Variants in BAIAP2L2 observed in about 807,000 individuals in gnomAD.
BAIAP2L2 encodes the protein BAR/IMD domain-containing adapter protein 2-like 2.
Under a neutral mutation model 60.4 loss-of-function variants are expected in BAIAP2L2, and 65 were observed. The ratio of observed to expected loss-of-function variants is 1.08; its 90% CI spans 0.88 to 1.32. BAIAP2L2 has a LOEUF of 1.32. Among genes scored for constraint, BAIAP2L2 ranks in the 40% most tolerant of loss-of-function variants. BAIAP2L2 has a pLI of 0.00. For synonymous variants in BAIAP2L2, 344 were observed against 301.7 expected (o/e 1.14, Z -1.45); for missense variants, 836 against 741.2 (o/e 1.13, Z -1.48).
chr22:38,110,433 G>A, intron 1 of BAIAP2L2, 42 bp downstream of exon 1: 1 of 1,594,862 alleles, frequency 6.3e-7, no homozygotes, highest in Non-Finnish European at 8.6e-7. Flanking sequence ...CTGTGCCCTG[G>A]GAGGAGGGGC....
At chr22:38,109,083 G>GGGA in intron 2 of BAIAP2L2, 50 bp downstream of exon 2, 1 of 1,209,618 alleles carries the variant, frequency 8.3e-7, no homozygotes, top group Non-Finnish European at 1.1e-6. Flanking sequence ...GGGTGGGTGG[G>GGGA]AACAGCAGAG....
At chr22:38,100,469 G>A (rs1198843695) in intron 4 of BAIAP2L2, among the ~76,000 whole-genome samples, 3 of 151,880 alleles carry the variant, frequency 2.0e-5, no homozygotes, top group African/African-American at 7.3e-5. Flanking sequence ...GGAGGTTGCA[G>A]TGAGCCGAGA....
At chr22:38,110,414 G>T (rs1471734355) in intron 1 of BAIAP2L2, 61 bp downstream of exon 1, 5 of 1,530,634 alleles carry the variant, frequency 3.3e-6, no homozygotes, top group Non-Finnish European at 4.5e-6. Context: ...TCCAGAGCGG[G>T]CCTGATTTCT....
intron 2 of BAIAP2L2, among the ~76,000 whole-genome samples, chr22:38,108,614 G>A (rs1231222203): frequency 1.3e-5 from 2 of 152,142 alleles, no homozygotes; most frequent in East Asian, 3.8e-4. Flanking sequence ...TGGGTAGTGG[G>A]GTGCTATTGG....
intron 1 of BAIAP2L2, among the ~76,000 whole-genome samples, chr22:38,109,925 A>G (rs1003034681): frequency 1.8e-4 from 27 of 150,304 alleles, no homozygotes; most frequent in African/African-American, 6.4e-4. Context: ...TGAGGCCTCC[A>G]GGTGAAAGGG....
chr22:38,096,949 G>GGGAGGGAAGAGGGAAGAAA, intron 7 of BAIAP2L2, 83 bp downstream of exon 7: 1 of 1,457,492 alleles, frequency 6.9e-7, no homozygotes, highest in Non-Finnish European at 9.3e-7. Flanking sequence ...GAGGGAAGAA[G>GGGAGGGAAGAGGGAAGAAA]GGAGGGAAAC....
At chr22:38,097,209 C>T (rs1470785584) in intron 6 of BAIAP2L2, 31 bp from the exon 7 acceptor site, 3 of 1,604,750 alleles carry the variant, frequency 1.9e-6, no homozygotes, top group South Asian at 1.1e-5. Context: ...TGGCTGGGGG[C>T]GGTGGGTGTG....
At chr22:38,107,952 A>G in intron 3 of BAIAP2L2, 39 bp from the exon 4 acceptor site, 1 of 1,601,714 alleles carries the variant, frequency 6.2e-7, no homozygotes, top group Non-Finnish European at 8.5e-7. Context: ...GGTGTGTGGC[A>G]GCCTGCCCCG....
rs144724028 is a variant in BAIAP2L2, at chr22:38,108,541, G to A, written c.128-200C>T. Among the ~76,000 whole-genome samples the A allele has an allele frequency of 8.6e-4, 131 of 152,274 alleles. No individual in the cohort carries two copies. The East Asian group carries it at 0.016, about 18-fold the overall frequency. ...TGAGGGCTGGGGGCAGGGAGGTGGC[G>A]TGGAAAGCATCTAAGAAGCAGGGGG... On this transcript the variant is annotated intron_variant, in intron 2 of 13. Transcript: ENST00000381669.
intron 7 of BAIAP2L2, among the ~76,000 whole-genome samples, chr22:38,092,402 G>A (rs566017722): frequency 1.4e-4 from 22 of 152,116 alleles, no homozygotes; most frequent in African/African-American, 3.9e-4. Context: ...TCAGCCTCCC[G>A]AGTAGCTGTG....
intron 10 of BAIAP2L2, among the ~76,000 whole-genome samples, chr22:38,087,778 T>C (rs2086141082): frequency 6.8e-6 from 1 of 146,318 alleles, no homozygotes; most frequent in Admixed American, 6.9e-5. Flanking sequence ...ATCCCCCGTG[T>C]AGCCACGAAT....
intron 4 of BAIAP2L2, among the ~76,000 whole-genome samples, chr22:38,101,411 G>A (rs985701812): frequency 2.7e-5 from 4 of 146,844 alleles, no homozygotes; most frequent in African/African-American, 7.6e-5. Context: ...GCCAGACGTG[G>A]TGGTTCATGC....
intron 11 of BAIAP2L2, 58 bp downstream of exon 11, chr22:38,087,066 G>A (rs2086104663): frequency 1.4e-6 from 2 of 1,469,008 alleles, no homozygotes; most frequent in South Asian, 1.4e-5. Flanking sequence ...CTCTCCGCTG[G>A]GCAGTGACAC....
Position 38,085,545 on chromosome 22 carries a change from C to T in BAIAP2L2, c.1514+141G>A. ...TTTTTTCTTTTAAGAGATAGGGTCT[C>T]ACAGTGTTGCTCAAGCTGATGTTGA... On this transcript the variant is annotated intron_variant, in intron 13 of 13. Coordinates refer to ENST00000381669, the MANE Select transcript of BAIAP2L2 (RefSeq NM_025045.6). 4 of 1,275,466 alleles carry T rather than the reference C, an allele frequency of 3.1e-6. No individual in the cohort carries two copies. In the South Asian group the frequency reaches 5.0e-5, roughly 16 times the overall value. The allele number at this position is 1,275,466 out of a possible 1,614,324, so 79.0% of individuals were successfully genotyped here. A position where few individuals can be genotyped will look rare whatever the true frequency, so the allele number is the denominator to read the frequency against.
Position 38,085,232 on chromosome 22 carries a change from C to T in BAIAP2L2, c.*68G>A, listed in dbSNP as rs564612550. 5.0e-5 allele frequency: 76 copies of T among 1,514,976 alleles called. No homozygotes were observed. In the Admixed American group the frequency reaches 9.9e-4, roughly 20 times the overall value. 93.8% of individuals were successfully genotyped at this position (1,514,976 alleles called of 1,614,324 possible). A position where few individuals can be genotyped will look rare whatever the true frequency, so the allele number is the denominator to read the frequency against. ...TTGGATCTGCTGCTGTTGCTGCTGT[C>T]GCTGCCATTGCCAGCTCTGAACAGC... is the stretch of plus-strand genomic sequence containing the variant. On this transcript the variant is annotated 3_prime_UTR_variant, in exon 14 of 14. Coordinates refer to ENST00000381669, the MANE Select transcript of BAIAP2L2 (RefSeq NM_025045.6).
At chr22:38,096,823 C>A (rs1488462825) in intron 7 of BAIAP2L2, among the ~76,000 whole-genome samples, 1 of 152,082 alleles carries the variant, frequency 6.6e-6, no homozygotes, top group Non-Finnish European at 1.5e-5. Flanking sequence ...AACAATATCA[C>A]GAGTGAATAA....
At chr22:38,089,281 G>GC (rs2086212568) in intron 8 of BAIAP2L2, 50 bp from the exon 9 acceptor site, 1 of 175,582 alleles carries the variant, frequency 5.7e-6, no homozygotes, top group Non-Finnish European at 1.1e-5. Flanking sequence ...GGGGGGGGCG[G>GC]GGCCGCGCCC....
At chr22:38,085,500 C>A in intron 13 of BAIAP2L2, 125 bp from the exon 14 acceptor site, 1 of 1,289,590 alleles carries the variant, frequency 7.8e-7, no homozygotes, top group Admixed American at 1.9e-5. Flanking sequence ...TCCATCCACT[C>A]CTTGCCCCGC....
intron 4 of BAIAP2L2, among the ~76,000 whole-genome samples, chr22:38,105,750 C>T (rs763476750): frequency 6.6e-5 from 10 of 152,284 alleles, no homozygotes; most frequent in East Asian, 1.9e-4. Flanking sequence ...GAACGTGTTA[C>T]GTATCGATTC....
Sources: gnomAD v4.1 joint callset for allele counts (sites outside exome capture counted in the v4.1 genomes callset) on GRCh38, gnomAD v4.1.1 for gene constraint, MANE v1.5 for transcripts, NCBI Gene and HGNC (gene_info 2026-07-23, HGNC 2026-07-21) for gene names.